KLLN: variants seen among roughly 807,000 people sequenced by gnomAD.
KLLN encodes the protein killin.
For synonymous variants in KLLN, 142 were observed against 102.2 expected (o/e 1.39, Z -2.35); for missense variants, 340 against 241.3 (o/e 1.41, Z -2.71).
Position 87,861,273 on chromosome 10 carries a change from A to G in KLLN, c.*678T>C, listed in dbSNP as rs1279143908. ...CTGCAACTATGATGTGCACATATAC[A>G]GTACTCTTTCTCAAATACAGCATAA... On this transcript the variant is annotated 3_prime_UTR_variant, in exon 1 of 1. Coordinates refer to ENST00000445946, the MANE Select transcript of KLLN (RefSeq NM_001126049.2). The G allele has an allele frequency of 6.6e-6, 1 of 152,256 alleles. No homozygotes were observed. The highest frequency in any genetic ancestry group is 1.5e-5 in the Non-Finnish European group (1 of 68,052). 9.4% of individuals were successfully genotyped at this position (152,256 alleles called of 1,614,324 possible).
Position 87,862,235 on chromosome 10 carries a change from C to T in KLLN, c.253G>A (p.Gly85Ser), listed in dbSNP as rs752251651. ...KFPLPSDSSGGKSSSSFARGA... is the reference protein window; with the variant it reads ...KFPLPSDSSGSKSSSSFARGA... Reference sequence around the variant, plus strand: ...CGAGCAAAGGAAGAAGACGACTTGCCTCCGGAGCTATCACTGGGGAGTGGG... The same window carrying T: ...CGAGCAAAGGAAGAAGACGACTTGCTTCCGGAGCTATCACTGGGGAGTGGG... Residue 85 changes from glycine to serine, a missense_variant, in exon 1 of 1, where the codon GGC becomes AGC. Physicochemically the swap from Gly to Ser is moderately conservative, Grantham distance 56. Transcript: ENST00000445946. 4.5e-6 allele frequency: 7 copies of T among 1,551,628 alleles called. No individual in the cohort carries two copies. The highest frequency in any genetic ancestry group is 6.1e-6 in the Non-Finnish European group (7 of 1,147,010).
chr10:87,860,827 T>C lies in KLLN; in HGVS notation c.*1124A>G, dbSNP rs1858243158. On this transcript the variant is annotated 3_prime_UTR_variant, in exon 1 of 1. Transcript: ENST00000445946. ...CTCTGGTTTTTACCATGCAATCTAG[T>C]AGAACACCTAGACATCAGGAACTCC... is the stretch of plus-strand genomic sequence containing the variant. 6.6e-6 allele frequency: 1 copy of C among 152,236 alleles called. No homozygotes were observed. Among genetic ancestry groups the C allele is most frequent in the African/African-American group, 2.4e-5 (1 of 41,454 alleles). The allele number at this position is 152,236 out of a possible 1,614,324, so 9.4% of individuals were successfully genotyped here.
rs1028671542 is a variant in KLLN, at chr10:87,862,279, A to C, written c.209T>G (p.Val70Gly). The C allele has an allele frequency of 1.7e-5, 26 of 1,551,630 alleles. No individual in the cohort carries two copies. Among genetic ancestry groups the C allele is most frequent in the Non-Finnish European group, 2.2e-5 (25 of 1,146,986 alleles). Residue 70 changes from valine (V) to glycine (G), a missense_variant, in exon 1 of 1, where the codon GTT (valine) becomes GGT (glycine). Val to Gly is a moderately radical substitution (Grantham distance 109). Transcript: ENST00000445946. ...TFRRRSRVSLVGELSKFPLPS... is the reference protein window; with the variant it reads ...TFRRRSRVSLGGELSKFPLPS... ...GAGTGGGAATTTGGAAAGTTCCCCA[A>C]CTAGGGACACACGTGACCTCCTTCG...
In KLLN at chr10:87,862,221, A is replaced by T. The variant is rs543758335; in HGVS notation, c.267T>A (p.Ser89=). The stretch of plus-strand genomic sequence containing the variant: ...AGGCAAGAGCACCCCGAGCAAAGGA[A>T]GAAGACGACTTGCCTCCGGAGCTAT... ...PSDSSGGKSS[S]SFARGALAWC... is the part of the protein sequence containing the mutation. The change falls in exon 1 of 1, where the codon TCT becomes TCA. Residue 89 remains serine, a synonymous_variant. Coordinates refer to ENST00000445946, the MANE Select transcript of KLLN (RefSeq NM_001126049.2). 1.4e-5 allele frequency: 22 copies of T among 1,551,722 alleles called. No individual in the cohort carries two copies. In the East Asian group the frequency reaches 5.4e-4, roughly 38 times the overall value.
At position 87,861,087 on chromosome 10, in the gene KLLN, G is replaced by A. The variant is rs933775427; in HGVS notation, c.*864C>T. 4.6e-5 allele frequency: 7 copies of A among 152,180 alleles called. No homozygotes were observed. The highest frequency in any genetic ancestry group is 6.5e-5 in the Admixed American group (1 of 15,284). The allele number at this position is 152,180 out of a possible 1,614,324, so 9.4% of individuals were successfully genotyped here. On this transcript the variant is annotated 3_prime_UTR_variant, in exon 1 of 1. Coordinates refer to ENST00000445946, the MANE Select transcript of KLLN (RefSeq NM_001126049.2). ...TCAGCAGGTTGTTAACTCCTGCACA[G>A]CTATCTTAAATGCTGTATATAAGTG... is the stretch of plus-strand genomic sequence containing the variant.
In KLLN at chr10:87,863,522, G is replaced by A. The variant is rs1442588781; in HGVS notation, c.-1035C>T. 5.2e-6 allele frequency: 2 copies of A among 385,654 alleles called. No homozygotes were observed. Among genetic ancestry groups the A allele is most frequent in the East Asian group, 3.7e-5 (1 of 27,318 alleles). 23.9% of individuals were successfully genotyped at this position (385,654 alleles called of 1,614,324 possible). A position where few individuals can be genotyped will look rare whatever the true frequency, so the allele number is the denominator to read the frequency against. On this transcript the variant is annotated 5_prime_UTR_variant, in exon 1 of 1. Coordinates refer to ENST00000445946, the MANE Select transcript of KLLN (RefSeq NM_001126049.2). ...CTTCCGAGGCGCCCGGGCTCCCGGC[G>A]CGGCGGCGGAGGGGGCGGGCAGGCC...
Position 87,861,676 on chromosome 10 carries a change from G to A in KLLN, c.*275C>T, listed in dbSNP as rs1158970309. The A allele has an allele frequency of 1.3e-5, 5 of 382,140 alleles. No individual in the cohort carries two copies. Among genetic ancestry groups the A allele is most frequent in the Non-Finnish European group, 2.3e-5 (5 of 212,776 alleles). 23.7% of individuals were successfully genotyped at this position (382,140 alleles called of 1,614,324 possible). A position where few individuals can be genotyped will look rare whatever the true frequency, so the allele number is the denominator to read the frequency against. On this transcript the variant is annotated 3_prime_UTR_variant, in exon 1 of 1. Transcript: ENST00000445946. ...TTCTGGGCTGACGGCCATTGACTAG[G>A]TTCTCAGACCAGATAAGTCACTTGG...
In KLLN at chr10:87,862,598, G is replaced by A; in HGVS notation, c.-111C>T. 4.9e-6 allele frequency: 5 copies of A among 1,030,422 alleles called. No homozygotes were observed. The highest frequency in any genetic ancestry group is 1.6e-5 in the South Asian group (1 of 61,344). The allele number at this position is 1,030,422 out of a possible 1,614,324, so 63.8% of individuals were successfully genotyped here. The stretch of plus-strand genomic sequence containing the variant: ...CTGGAGCCCGAGGGGAAAGATGCTC[G>A]ACTCTCTTGGGGGCACCGGAGCGGG... On this transcript the variant is annotated 5_prime_UTR_variant, in exon 1 of 1. Coordinates refer to ENST00000445946, the MANE Select transcript of KLLN (RefSeq NM_001126049.2).
rs369376419 is a variant in KLLN, at chr10:87,862,225, G to C, written c.263C>G (p.Ser88Cys). 6.4e-7 allele frequency: 1 copy of C among 1,551,748 alleles called. No individual in the cohort carries two copies. The highest frequency in any genetic ancestry group is 1.4e-5 in the African/African-American group (1 of 73,194). The change falls in exon 1 of 1, where the codon TCT (serine) becomes TGT (cysteine). Residue 88 changes from serine (S) to cysteine (C), a missense_variant. Ser to Cys is a moderately radical substitution (Grantham distance 112, BLOSUM62 -1). Coordinates refer to ENST00000445946, the MANE Select transcript of KLLN (RefSeq NM_001126049.2). ...AAGAGCACCCCGAGCAAAGGAAGAA[G>C]ACGACTTGCCTCCGGAGCTATCACT... Reference protein sequence around the residue: ...LPSDSSGGKSSSSFARGALAW... With the variant: ...LPSDSSGGKSCSSFARGALAW...
rs1858263565 is a variant in KLLN, at chr10:87,861,934, GGAGT to G, written c.*13_*16del. 5 of 1,453,390 alleles carry G rather than the reference GGAGT, an allele frequency of 3.4e-6. No individual in the cohort carries two copies. Among genetic ancestry groups the G allele is most frequent in the Non-Finnish European group, 4.5e-6 (5 of 1,100,450 alleles). The allele number at this position is 1,453,390 out of a possible 1,614,324, so 90.0% of individuals were successfully genotyped here. A position where few individuals can be genotyped will look rare whatever the true frequency, so the allele number is the denominator to read the frequency against. On this transcript the variant is annotated 3_prime_UTR_variant, in exon 1 of 1. Coordinates refer to ENST00000445946, the MANE Select transcript of KLLN (RefSeq NM_001126049.2). Reference sequence around the variant, plus strand: ...CGCAGAATAGGTCGATGTAGAGCAAGGAGTGAGTCTCAGGTCTCAGTCCTTTGGC... The same window carrying G: ...CGCAGAATAGGTCGATGTAGAGCAAGGAGTCTCAGGTCTCAGTCCTTTGGC...
At position 87,859,343 on chromosome 10, in the gene KLLN, A is replaced by T. The variant is rs1327107893; in HGVS notation, c.*2608T>A. On this transcript the variant is annotated 3_prime_UTR_variant, in exon 1 of 1. Coordinates refer to ENST00000445946, the MANE Select transcript of KLLN (RefSeq NM_001126049.2). The stretch of plus-strand genomic sequence containing the variant: ...AGTTAAACAGACAGAAATACAGAAG[A>T]TTGTTTAAAAATTAAAGCTATTGAG... The T allele has an allele frequency of 6.6e-6, 1 of 152,160 alleles. No homozygotes were observed. The highest frequency in any genetic ancestry group is 1.5e-5 in the Non-Finnish European group (1 of 68,030). 9.4% of individuals were successfully genotyped at this position (152,160 alleles called of 1,614,324 possible).
chr10:87,861,711 C>T lies in KLLN; in HGVS notation c.*240G>A, dbSNP rs1858258688. Reference sequence around the variant, plus strand: ...CAGATAAGTCACTTGGCTGAGTCCACAGTAGGTGGGGCGCGCTCACCAGCT... The same window carrying T: ...CAGATAAGTCACTTGGCTGAGTCCATAGTAGGTGGGGCGCGCTCACCAGCT... On this transcript the variant is annotated 3_prime_UTR_variant, in exon 1 of 1. Transcript: ENST00000445946. 2.2e-6 allele frequency: 1 copy of T among 452,470 alleles called. No homozygotes were observed. Among genetic ancestry groups the T allele is most frequent in the Non-Finnish European group, 3.9e-6 (1 of 256,744 alleles). 28.0% of individuals were successfully genotyped at this position (452,470 alleles called of 1,614,324 possible).
rs1186082594 is a variant in KLLN at position 87,862,307 on chromosome 10, A to C, written c.181T>G (p.Phe61Val). 6.4e-7 allele frequency: 1 copy of C among 1,551,720 alleles called. No homozygotes were observed. Among genetic ancestry groups the C allele is most frequent in the South Asian group, 1.2e-5 (1 of 84,066 alleles). ...KDTRATVGTTFRRRSRVSLVG... is the reference protein window; with the variant it reads ...KDTRATVGTTVRRRSRVSLVG... ...AGGGACACACGTGACCTCCTTCGGA[A>C]AGTAGTTCCGACTGTGGCCCGTGTA... The change falls in exon 1 of 1, where the codon TTC becomes GTC. Residue 61 changes from phenylalanine to valine, a missense_variant. Phe to Val is a conservative substitution (Grantham distance 50). Transcript: ENST00000445946.
In KLLN at chr10:87,861,782, C is replaced by A; in HGVS notation, c.*169G>T. The A allele has an allele frequency of 1.7e-6, 1 of 579,670 alleles. No homozygotes were observed. The highest frequency in any genetic ancestry group is 2.9e-6 in the Non-Finnish European group (1 of 346,262). 35.9% of individuals were successfully genotyped at this position (579,670 alleles called of 1,614,324 possible). The stretch of plus-strand genomic sequence containing the variant: ...TTGTTGCAACATCGGAGAATGCACG[C>A]TCTGGGCTGCAGCAGGAGATACCCT... On this transcript the variant is annotated 3_prime_UTR_variant, in exon 1 of 1. Coordinates refer to ENST00000445946, the MANE Select transcript of KLLN (RefSeq NM_001126049.2).
rs751388587 is a variant in KLLN at position 87,862,173 on chromosome 10, G to A, written c.315C>T (p.Asn105=). The change falls in exon 1 of 1, where the codon AAC becomes AAT. Residue 105 remains asparagine, a synonymous_variant. Coordinates refer to ENST00000445946, the MANE Select transcript of KLLN (RefSeq NM_001126049.2). The stretch of plus-strand genomic sequence containing the variant: ...CTGTTTCCGCCGCGGCGCAGGAAGG[G>A]TTGGGGTTCCGCTGCCTGCACCAGG... ...ALAWCRQRNP[N]PSCAAAETGA... 3 of 1,551,492 alleles carry A rather than the reference G, an allele frequency of 1.9e-6. No homozygotes were observed. Among genetic ancestry groups the A allele is most frequent in the African/African-American group, 1.4e-5 (1 of 73,056 alleles).
rs1333637863 is a variant in KLLN, at chr10:87,862,266, G to C, written c.222C>G (p.Ser74=). The C allele has an allele frequency of 6.4e-7, 1 of 1,551,706 alleles. No individual in the cohort carries two copies. Residue 74 remains serine, a synonymous_variant, in exon 1 of 1, where the codon TCC becomes TCG. Coordinates refer to ENST00000445946, the MANE Select transcript of KLLN (RefSeq NM_001126049.2). ...RSRVSLVGEL[S]KFPLPSDSSG... ...AGCTATCACTGGGGAGTGGGAATTTGGAAAGTTCCCCAACTAGGGACACAC... is the reference window on the plus strand; with the variant it reads ...AGCTATCACTGGGGAGTGGGAATTTCGAAAGTTCCCCAACTAGGGACACAC...
Position 87,861,879 on chromosome 10 carries a change from G to A in KLLN, c.*72C>T. ...GATGGAGAGGCCCGAGAGCCCTAGC[G>A]CCCAGCTCCTTTTCCCACGTTTGGG... On this transcript the variant is annotated 3_prime_UTR_variant, in exon 1 of 1. Coordinates refer to ENST00000445946, the MANE Select transcript of KLLN (RefSeq NM_001126049.2). 7.2e-7 allele frequency: 1 copy of A among 1,396,352 alleles called. No individual in the cohort carries two copies. The highest frequency in any genetic ancestry group is 1.6e-5 in the South Asian group (1 of 61,648). 86.5% of individuals were successfully genotyped at this position (1,396,352 alleles called of 1,614,324 possible). A position where few individuals can be genotyped will look rare whatever the true frequency, so the allele number is the denominator to read the frequency against.
In KLLN at chr10:87,862,238, C is replaced by T. The variant is rs3758479; in HGVS notation, c.250G>A (p.Gly84Arg). Reference protein sequence around the residue: ...SKFPLPSDSSGGKSSSSFARG... With the variant: ...SKFPLPSDSSRGKSSSSFARG... ...GCAAAGGAAGAAGACGACTTGCCTC[C>T]GGAGCTATCACTGGGGAGTGGGAAT... Residue 84 changes from glycine (G) to arginine (R), a missense_variant, in exon 1 of 1, where the codon GGA becomes AGA. By Grantham distance (125) the Gly-to-Arg change is moderately radical. Transcript: ENST00000445946. 3 of 1,551,722 alleles carry T rather than the reference C, an allele frequency of 1.9e-6. No individual in the cohort carries two copies. The highest frequency in any genetic ancestry group is 2.0e-5 in the Admixed American group (1 of 51,004).
rs1858236090 is a variant in KLLN at position 87,860,310 on chromosome 10, C to T, written c.*1641G>A. On this transcript the variant is annotated 3_prime_UTR_variant, in exon 1 of 1. Transcript: ENST00000445946. ...CCACCTGATGTTGCTGTTGGGCTGG[C>T]CAAATATCTGCCAACATTGATGATC... 1 of 152,174 alleles carries T rather than the reference C, an allele frequency of 6.6e-6. No homozygotes were observed. Among genetic ancestry groups the T allele is most frequent in the Non-Finnish European group, 1.5e-5 (1 of 68,038 alleles). 9.4% of individuals were successfully genotyped at this position (152,174 alleles called of 1,614,324 possible). A position where few individuals can be genotyped will look rare whatever the true frequency, so the allele number is the denominator to read the frequency against.
Sources: allele counts gnomAD v4.1 joint callset, GRCh38; gene constraint gnomAD v4.1.1; transcripts MANE v1.5; gene names NCBI Gene and HGNC (gene_info 2026-07-23, HGNC 2026-07-21).